Variants in CNTNAP2 observed in about 807,000 individuals in gnomAD.
The protein encoded by CNTNAP2 is contactin associated protein 2.
A neutral mutation model predicts 155.2 loss-of-function variants in CNTNAP2; 98 were observed. The observed-to-expected ratio is 0.63, with a 90% confidence interval of 0.54 to 0.75. The LOEUF is 0.75. CNTNAP2 is among the 30% of genes least tolerant of loss of function. CNTNAP2 has a pLI of 0.00. For synonymous variants in CNTNAP2, 651 were observed against 631.2 expected, an observed-to-expected ratio of 1.03 and a Z score of -0.47; for missense variants, 1,727 against 1,688.1, an observed-to-expected ratio of 1.02 and a Z score of -0.40.
rs561274427 is a variant in CNTNAP2, at chr7:147,981,755, T to C, written c.2383+3766T>C. Among the ~76,000 whole-genome samples the C allele has an allele frequency of 8.6e-5, 13 of 151,574 alleles. No homozygotes were observed. The East Asian group carries it at 1.9e-3, about 23-fold the overall frequency. On this transcript the variant is annotated intron_variant, in intron 15 of 23. Coordinates refer to ENST00000361727, the MANE Select transcript of CNTNAP2 (RefSeq NM_014141.6). ...CCACTCAGATCTGCTGCATTTCCCA[T>C]ATAGTTCTGTGAAATGCTTATGTCC...
chr7:147,287,669 C>A (rs1429285000), intron 8 of CNTNAP2, among the ~76,000 whole-genome samples: 1 of 152,072 alleles, frequency 6.6e-6, no homozygotes, highest in Non-Finnish European at 1.5e-5. Flanking sequence ...GAGCTCCAGA[C>A]CCAAATATAT....
chr7:148,119,389 G>T (rs758304948), intron 16 of CNTNAP2, among the ~76,000 whole-genome samples: 5 of 151,866 alleles, frequency 3.3e-5, no homozygotes, highest in Non-Finnish European at 7.4e-5. Context: ...AATTAGCCAG[G>T]TGTGGTGGCG....
At chr7:146,672,285 TACAC>T (rs943777265) in intron 1 of CNTNAP2, among the ~76,000 whole-genome samples, 1 of 152,208 alleles carries the variant, frequency 6.6e-6, no homozygotes, top group Non-Finnish European at 1.5e-5. Context: ...CTCTTATTCT[TACAC>T]ACATCTCAAA....
chr7:146,896,652 A>C (rs1357759893), intron 3 of CNTNAP2, among the ~76,000 whole-genome samples: 3 of 151,990 alleles, frequency 2.0e-5, no homozygotes, highest in Non-Finnish European at 4.4e-5. Flanking sequence ...TTAATGGCAA[A>C]ACCCACAATT....
intron 8 of CNTNAP2, among the ~76,000 whole-genome samples, chr7:147,216,545 CTAAA>C (rs1803273840): frequency 2.9e-5 from 3 of 104,118 alleles, no homozygotes; most frequent in African/African-American, 8.0e-5. Flanking sequence ...TTCACCAACA[CTAAA>C]CACTAAACTT....
At chr7:146,951,607 A>G (rs1205486617) in intron 3 of CNTNAP2, among the ~76,000 whole-genome samples, 1 of 151,956 alleles carries the variant, frequency 6.6e-6, no homozygotes, top group Non-Finnish European at 1.5e-5. Flanking sequence ...ATGGTTGTAG[A>G]TGTGTGACAT....
intron 13 of CNTNAP2, among the ~76,000 whole-genome samples, chr7:147,817,115 A>G (rs951893359): frequency 6.6e-6 from 1 of 152,226 alleles, no homozygotes; most frequent in Non-Finnish European, 1.5e-5. Context: ...AGGACATTTT[A>G]TAGGACTACT....
intron 1 of CNTNAP2, among the ~76,000 whole-genome samples, chr7:146,657,448 GGA>G (rs1393369166): frequency 6.6e-6 from 1 of 152,184 alleles, no homozygotes; most frequent in African/African-American, 2.4e-5. Flanking sequence ...GGTACCTGGT[GGA>G]GGATGCTATT....
At chr7:146,845,392 CT>C (rs1383986197) in intron 3 of CNTNAP2, among the ~76,000 whole-genome samples, 1 of 152,252 alleles carries the variant, frequency 6.6e-6, no homozygotes, top group South Asian at 2.1e-4. Flanking sequence ...GGAGATCTGA[CT>C]TTATTTCTCT....
At chr7:148,186,244 G>C (rs1469346390) in intron 18 of CNTNAP2, among the ~76,000 whole-genome samples, 1 of 152,200 alleles carries the variant, frequency 6.6e-6, no homozygotes, top group Admixed American at 6.5e-5. Context: ...GCCAGGCACT[G>C]AACTAAGTGT....
intron 1 of CNTNAP2, among the ~76,000 whole-genome samples, chr7:146,395,825 AG>A (rs72231146): frequency 0.09 from 12,042 of 133,668 alleles, 1,465 homozygotes; most frequent in African/African-American, 0.32. Context: ...AGATAGATAG[AG>A]GAGAGAGAGA....
At position 147,422,105 on chromosome 7, in the gene CNTNAP2, A is replaced by ATATATATATATAGTATGTATATATACAG. The variant is rs1321234327; in HGVS notation, c.1670+26364_1670+26391dup. ...TGTGTAACTACAGTATATATACAGT[A>ATATATATATATAGTATGTATATATACAG]TATATATATATAGTATGTATATATA... On this transcript the variant is annotated intron_variant, in intron 10 of 23. Transcript: ENST00000361727. 8.4e-3 allele frequency among the ~76,000 whole-genome samples: 1,187 copies of ATATATATATATAGTATGTATATATACAG among 141,992 alleles called. 56 individuals carry two copies. The highest frequency in any genetic ancestry group is 0.031 in the African/African-American group (1,097 of 35,494). 93.2% of individuals were successfully genotyped at this position (141,992 alleles called of 152,430 possible). A position where few individuals can be genotyped will look rare whatever the true frequency, so the allele number is the denominator to read the frequency against.
chr7:147,548,769 G>A (rs1799792403), intron 11 of CNTNAP2, among the ~76,000 whole-genome samples: 1 of 152,130 alleles, frequency 6.6e-6, no homozygotes, highest in South Asian at 2.1e-4. Flanking sequence ...AGTCCATCTT[G>A]AGATAATTCT....
intron 3 of CNTNAP2, among the ~76,000 whole-genome samples, chr7:146,954,940 A>C (rs1797402379): frequency 6.6e-6 from 1 of 151,898 alleles, no homozygotes; most frequent in Non-Finnish European, 1.5e-5. Flanking sequence ...AAAGCTCCCC[A>C]GCATCAATAG....
At chr7:147,336,119 C>A (rs906288864) in intron 9 of CNTNAP2, among the ~76,000 whole-genome samples, 8 of 152,050 alleles carry the variant, frequency 5.3e-5, no homozygotes, top group African/African-American at 1.9e-4. Flanking sequence ...TCTTATATGA[C>A]CTTCATTTGT....
intron 1 of CNTNAP2, among the ~76,000 whole-genome samples, chr7:146,571,948 A>G (rs747003633): frequency 6.6e-6 from 1 of 151,940 alleles, no homozygotes; most frequent in African/African-American, 2.4e-5. Flanking sequence ...GGCCATCCCG[A>G]CCTCAGATGA....
intron 9 of CNTNAP2, among the ~76,000 whole-genome samples, chr7:147,346,896 A>AGTT: frequency 6.6e-6 from 1 of 152,072 alleles, no homozygotes; most frequent in Middle Eastern, 3.2e-3. Context: ...TTTCTCAAAC[A>AGTT]TGTTACTCTT....
chr7:147,494,307 C>T lies in CNTNAP2; in HGVS notation c.1777+8266C>T, dbSNP rs78252775. Among the ~76,000 whole-genome samples the T allele has an allele frequency of 2.0e-4, 31 of 152,054 alleles. 1 individual carries two copies. The East Asian group carries it at 6.0e-3, about 29-fold the overall frequency. ...TACAGGTCATTTGGAGAAACACAGCCCAAGGACCTCTACATTTCTAAGGCA... is the reference window on the plus strand; with the variant it reads ...TACAGGTCATTTGGAGAAACACAGCTCAAGGACCTCTACATTTCTAAGGCA... On this transcript the variant is annotated intron_variant, in intron 11 of 23. Coordinates refer to ENST00000361727, the MANE Select transcript of CNTNAP2 (RefSeq NM_014141.6).
At chr7:147,733,966 G>A (rs1420746799) in intron 13 of CNTNAP2, among the ~76,000 whole-genome samples, 2 of 152,152 alleles carry the variant, frequency 1.3e-5, no homozygotes, top group Admixed American at 6.6e-5. Context: ...TGCAAACAAG[G>A]ACAATTTGAC....
Sources: allele counts gnomAD v4.1 joint callset (sites outside exome capture counted in the v4.1 genomes callset), GRCh38; gene constraint gnomAD v4.1.1; transcripts MANE v1.5; gene names NCBI Gene and HGNC (gene_info 2026-07-23, HGNC 2026-07-21).